Variants in DNAH5 observed in about 807,000 individuals in gnomAD.
DNAH5 encodes the protein axonemal beta dynein heavy chain 5.
A neutral mutation model predicts 518.2 loss-of-function variants in DNAH5; 372 were observed. That is an observed-to-expected ratio of 0.72 (90% CI 0.66 to 0.78). The LOEUF (loss-of-function observed/expected upper bound fraction) is 0.78. DNAH5 is among the 30% of genes least tolerant of loss of function. DNAH5 has a pLI of 0.00. For missense variants in DNAH5, 5,523 were observed against 5,687.0 expected, an observed-to-expected ratio of 0.97 and a Z score of 0.93; for synonymous variants, 2,039 against 2,025.9, an observed-to-expected ratio of 1.01 and a Z score of -0.17.
chr5:13,858,553 A>G (rs545571097), intron 30 of DNAH5, among the ~76,000 whole-genome samples: 1 of 80,996 alleles, frequency 1.2e-5, no homozygotes, highest in East Asian at 3.7e-4. Flanking sequence ...TGTATCCCAG[A>G]ACTTAAATAT....
At position 13,909,884 on chromosome 5, in the gene DNAH5, G is replaced by A. The variant is rs111558836; in HGVS notation, c.1644+1502C>T. 1.1e-3 allele frequency among the ~76,000 whole-genome samples: 163 copies of A among 152,212 alleles called. 2 individuals carry two copies. The highest frequency in any genetic ancestry group is 3.7e-3 in the African/African-American group (152 of 41,542). ...AATACATAATTGCTGTATAGCAAAC[G>A]TTTGTTTCATTGCAATAAATCTACA... On this transcript the variant is annotated intron_variant, in intron 12 of 78. Coordinates refer to ENST00000265104, the MANE Select transcript of DNAH5 (RefSeq NM_001369.3).
At chr5:13,941,527 T>G (rs1779458684) in intron 1 of DNAH5, among the ~76,000 whole-genome samples, 1 of 152,206 alleles carries the variant, frequency 6.6e-6, no homozygotes, top group Non-Finnish European at 1.5e-5. Flanking sequence ...GAAAATGGTT[T>G]GGTTAATTTG....
chr5:13,769,388 A>G (rs1383215054), intron 57 of DNAH5, 113 bp downstream of exon 57: 4 of 989,866 alleles, frequency 4.0e-6, no homozygotes, highest in African/African-American at 3.2e-5. Flanking sequence ...TTTTATTCCA[A>G]TGGAAGTTAA....
Position 13,829,539 on chromosome 5 carries a change from T to C in DNAH5, c.6415A>G (p.Lys2139Glu), listed in dbSNP as rs1763354642. The stretch of plus-strand genomic sequence containing the variant: ...TTAGAAAGCTGCTCCTCACACAGTT[T>C]GTAGAGCGTGAAAAACTTCCTGGCC... Reference protein sequence around the residue: ...VLARKFFTLYKLCEEQLSKQV... With the variant: ...VLARKFFTLYELCEEQLSKQV... The change falls in exon 38 of 79, where the codon AAA becomes GAA. Residue 2139 changes from lysine (K) to glutamate (E), a missense_variant. Around this residue, in one of 3 missense-constraint regions of DNAH5, gnomAD observed 5,121 missense variants for 5,223.3 expected, o/e 0.98. Transcript: ENST00000265104. 1.2e-6 allele frequency: 2 copies of C among 1,614,026 alleles called. No homozygotes were observed. Among genetic ancestry groups the C allele is most frequent in the Admixed American group, 1.7e-5 (1 of 59,996 alleles).
chr5:13,766,051 T>C lies in DNAH5; in HGVS notation c.10026A>G (p.Glu3342=), dbSNP rs1752471910. Residue 3342 remains glutamate, a synonymous_variant, in exon 59 of 79, where the codon GAA becomes GAG. Coordinates refer to ENST00000265104, the MANE Select transcript of DNAH5 (RefSeq NM_001369.3). ...GCCAGGAGGGCATGGTACAGCTTTT[T>C]TCCAGGTCAATTTTCACAGCACTGA... is the stretch of plus-strand genomic sequence containing the variant. ...RKVSAVKIDL[E]KSCTMPSWQE... The C allele has an allele frequency of 3.1e-6, 5 of 1,614,084 alleles. No individual in the cohort carries two copies. The highest frequency in any genetic ancestry group is 3.4e-6 in the Non-Finnish European group (4 of 1,180,028).
At chr5:13,828,077 A>G (rs1763137616) in intron 38 of DNAH5, among the ~76,000 whole-genome samples, 1 of 152,248 alleles carries the variant, frequency 6.6e-6, no homozygotes, top group African/African-American at 2.4e-5. Flanking sequence ...TAATACAATA[A>G]GAATGAGTGA....
intron 75 of DNAH5, among the ~76,000 whole-genome samples, chr5:13,709,006 C>A (rs1743159238): frequency 6.6e-6 from 1 of 152,158 alleles, no homozygotes; most frequent in Non-Finnish European, 1.5e-5. Context: ...ACTATTTCAA[C>A]CCCTGTTAGA....
chr5:13,894,086 G>A (rs1773614633), intron 16 of DNAH5, among the ~76,000 whole-genome samples: 2 of 152,110 alleles, frequency 1.3e-5, no homozygotes, highest in South Asian at 4.1e-4. Flanking sequence ...CATGTTACAG[G>A]CTCTGAAAAG....
At position 13,901,446 on chromosome 5, in the gene DNAH5, G is replaced by T. The variant is rs34076967; in HGVS notation, c.1858C>A (p.Gln620Lys). 1,572 of 1,613,982 alleles carry T rather than the reference G, an allele frequency of 9.7e-4. 14 individuals carry two copies. In the African/African-American group the frequency reaches 0.018, roughly 19 times the overall value. Residue 620 changes from glutamine (Q) to lysine (K), a missense_variant, in exon 14 of 79, where the codon CAG becomes AAG. Transcript: ENST00000265104. Reference protein sequence around the residue: ...QKYDPPLARNQPPIAGKILWA... With the variant: ...QKYDPPLARNKPPIAGKILWA... ...AAAATCTTTCCAGCGATGGGAGGCTGGTTTCGAGCCAGAGGAGGATCGTAT... is the reference window on the plus strand; with the variant it reads ...AAAATCTTTCCAGCGATGGGAGGCTTGTTTCGAGCCAGAGGAGGATCGTAT...
At chr5:13,769,818 G>A (rs898495114) in intron 56 of DNAH5, among the ~76,000 whole-genome samples, 8 of 152,164 alleles carry the variant, frequency 5.3e-5, no homozygotes, top group South Asian at 4.1e-4. Flanking sequence ...TACAGACCAC[G>A]TGCAAGAACA....
intron 3 of DNAH5, among the ~76,000 whole-genome samples, chr5:13,926,855 A>G (rs1259851044): frequency 6.6e-6 from 1 of 152,226 alleles, no homozygotes; most frequent in Non-Finnish European, 1.5e-5. Context: ...ATGTTTTGCA[A>G]TCTGGTGTAG....
chr5:13,896,173 A>G (rs1399093110), intron 15 of DNAH5, among the ~76,000 whole-genome samples: 3 of 152,072 alleles, frequency 2.0e-5, no homozygotes, highest in Non-Finnish European at 2.9e-5. Context: ...ATGAGAATTC[A>G]GATCATGTTA....
chr5:13,947,698 A>C (rs1400155884), upstream of DNAH5, among the ~76,000 whole-genome samples: 1 of 152,226 alleles, frequency 6.6e-6, no homozygotes, highest in Admixed American at 6.5e-5. Flanking sequence ...TTTATCAGTT[A>C]CTAGCTACAC....
In DNAH5 at chr5:13,842,437, A is replaced by AGAGAGAGAGAGAGAGAGAGAGAGAGAG. The variant is rs1561407249; in HGVS notation, c.5272-534_5272-533insCTCTCTCTCTCTCTCTCTCTCTCTCTC. ...GAAAAGAAAAGAAAAGAAAGAAAGAAAGAAAGAAAGAAAGAAAGAAAGAAA... is the reference window on the plus strand; with the variant it reads ...GAAAAGAAAAGAAAAGAAAGAAAGAAGAGAGAGAGAGAGAGAGAGAGAGAGAGAGAAAGAAAGAAAGAAAGAAAGAAA... On this transcript the variant is annotated intron_variant, in intron 32 of 78. Transcript: ENST00000265104. 1.4e-3 allele frequency among the ~76,000 whole-genome samples: 128 copies of AGAGAGAGAGAGAGAGAGAGAGAGAGAG among 91,398 alleles called. 11 individuals carry two copies. Among genetic ancestry groups the AGAGAGAGAGAGAGAGAGAGAGAGAGAG allele is most frequent in the Middle Eastern group, 0.011 (2 of 190 alleles). 60.0% of individuals were successfully genotyped at this position (91,398 alleles called of 152,430 possible). A position where few individuals can be genotyped will look rare whatever the true frequency, so the allele number is the denominator to read the frequency against.
At chr5:14,002,233 G>GA (rs1268463808) in intron 1 of DNAH5, among the ~76,000 whole-genome samples, 1 of 151,954 alleles carries the variant, frequency 6.6e-6, no homozygotes, top group Non-Finnish European at 1.5e-5. Flanking sequence ...ATATAATACT[G>GA]AAAAAAATCA....
At chr5:13,793,448 T>G (rs1757320211) in intron 49 of DNAH5, 67 bp downstream of exon 49, 2 of 1,410,878 alleles carry the variant, frequency 1.4e-6, no homozygotes, top group Non-Finnish European at 2.0e-6. Flanking sequence ...TGGGTGAAGA[T>G]TTTCAAAAAG....
intron 70 of DNAH5, among the ~76,000 whole-genome samples, chr5:13,724,660 G>A (rs780013864): frequency 5.4e-4 from 82 of 152,314 alleles, no homozygotes; most frequent in Non-Finnish European, 7.1e-4. Flanking sequence ...GGCCTGGTGG[G>A]AGGTGTTTGG....
In DNAH5 at chr5:13,737,243, C is replaced by A; in HGVS notation, c.11455+9G>T. On this transcript the variant is annotated intron_variant, in intron 66 of 78. Coordinates refer to ENST00000265104, the MANE Select transcript of DNAH5 (RefSeq NM_001369.3). Reference sequence around the variant, plus strand: ...TCCTGTGACATTTGTCTTTCATTACCAAACTCACCAGGTCTGTATTCCTCC... The same window carrying A: ...TCCTGTGACATTTGTCTTTCATTACAAAACTCACCAGGTCTGTATTCCTCC... The A allele has an allele frequency of 6.2e-7, 1 of 1,613,952 alleles. No individual in the cohort carries two copies. The highest frequency in any genetic ancestry group is 1.1e-5 in the South Asian group (1 of 91,042).
intron 47 of DNAH5, among the ~76,000 whole-genome samples, chr5:13,796,246 G>T (rs570814420): frequency 3.3e-5 from 5 of 152,202 alleles, no homozygotes; most frequent in African/African-American, 1.2e-4. Context: ...ATTAGGAAAT[G>T]AGGAAGTCAA....
Sources: gnomAD v4.1 joint callset for allele counts (sites outside exome capture counted in the v4.1 genomes callset) on GRCh38, gnomAD v4.1.1 for gene constraint, gnomAD v4.1.1 regional missense constraint, MANE v1.5 for transcripts, NCBI Gene and HGNC (gene_info 2026-07-23, HGNC 2026-07-21) for gene names.